Variants in PCDH7 observed in about 807,000 individuals in gnomAD.
The protein encoded by PCDH7 is protocadherin 7, also known as protocadherin-7.
In PCDH7, 17 loss-of-function variants were observed where a neutral mutation model predicts 58.9. The ratio of observed to expected loss-of-function variants is 0.29; its 90% CI spans 0.20 to 0.43. PCDH7 has a LOEUF of 0.43. Among genes scored for constraint, PCDH7 ranks in the 20% least tolerant of loss-of-function variants. The pLI is 1.00. For missense variants in PCDH7, 1,274 were observed against 1,441.0 expected (o/e 0.88, Z 1.88); for synonymous variants, 664 against 616.4 (o/e 1.08, Z -1.14).
chr4:30,847,001 A>G (rs1823197), intron 1 of PCDH7, among the ~76,000 whole-genome samples: 44,359 of 151,738 alleles, frequency 0.29, 7,988 homozygotes, highest in African/African-American at 0.51. Context: ...CATGTTCAAG[A>G]AGTTCCAGCT....
chr4:30,744,722 G>C (rs920957028), intron 1 of PCDH7, among the ~76,000 whole-genome samples: 2 of 152,128 alleles, frequency 1.3e-5, no homozygotes, highest in Non-Finnish European at 2.9e-5. Context: ...TTGCAACCTT[G>C]GCCATAGGGC....
intron 1 of PCDH7, among the ~76,000 whole-genome samples, chr4:30,870,657 G>T (rs1219609446): frequency 2.0e-5 from 3 of 152,044 alleles, no homozygotes; most frequent in Non-Finnish European, 4.4e-5. Context: ...CAGGAAGTGC[G>T]AAAATAGCAC....
intron 1 of PCDH7, among the ~76,000 whole-genome samples, chr4:30,873,828 C>CTTTTATTTAT (rs1735930262): frequency 6.6e-6 from 1 of 151,638 alleles, no homozygotes; most frequent in Admixed American, 6.6e-5. Context: ...TATTTGGAGG[C>CTTTTATTTAT]TTTTATTTAT....
At chr4:30,896,122 A>G (rs545276847) in intron 1 of PCDH7, among the ~76,000 whole-genome samples, 6 of 151,972 alleles carry the variant, frequency 3.9e-5, no homozygotes, top group African/African-American at 1.5e-4. Flanking sequence ...GGCATTTTTT[A>G]TTTTCCTTTC....
At chr4:31,040,816 A>G (rs1755804577) in intron 3 of PCDH7, among the ~76,000 whole-genome samples, 1 of 152,164 alleles carries the variant, frequency 6.6e-6, no homozygotes. Context: ...GTTGGTTGAG[A>G]AACTAAAAAT....
intron 3 of PCDH7, among the ~76,000 whole-genome samples, chr4:31,076,074 C>T (rs555766700): frequency 3.3e-5 from 5 of 152,116 alleles, no homozygotes; most frequent in Non-Finnish European, 5.9e-5. Context: ...ATATATATTT[C>T]ATTCTAGTGA....
At chr4:30,937,316 A>G (rs1335230123) in intron 2 of PCDH7, among the ~76,000 whole-genome samples, 2 of 152,094 alleles carry the variant, frequency 1.3e-5, no homozygotes, top group East Asian at 1.9e-4. Context: ...TTCCATATCC[A>G]TATCACTGCT....
intron 1 of PCDH7, among the ~76,000 whole-genome samples, chr4:30,811,942 C>G (rs1727079832): frequency 6.6e-6 from 1 of 152,106 alleles, no homozygotes; most frequent in Non-Finnish European, 1.5e-5. Flanking sequence ...AGCCAAGATC[C>G]AGACTTGTGA....
intron 3 of PCDH7, among the ~76,000 whole-genome samples, chr4:30,976,644 C>T (rs1303401226): frequency 6.6e-6 from 1 of 152,008 alleles, no homozygotes; most frequent in Non-Finnish European, 1.5e-5. Context: ...CGTGATCCGC[C>T]CACCTCGGCC....
intron 1 of PCDH7, among the ~76,000 whole-genome samples, chr4:30,788,449 C>A (rs766391107): frequency 6.6e-6 from 1 of 151,968 alleles, no homozygotes; most frequent in Non-Finnish European, 1.5e-5. Context: ...TGTAATATTA[C>A]AGGGATTTTT....
intron 3 of PCDH7, among the ~76,000 whole-genome samples, chr4:31,020,766 G>T (rs1753960482): frequency 6.6e-6 from 1 of 152,146 alleles, no homozygotes. Context: ...TGCAATCCAG[G>T]CCTAATTACT....
At chr4:30,748,890 G>T (rs903424471) in intron 1 of PCDH7, among the ~76,000 whole-genome samples, 6 of 152,082 alleles carry the variant, frequency 3.9e-5, no homozygotes, top group African/African-American at 1.4e-4. Context: ...CAGCCTGATG[G>T]GTGTTCTCTG....
Position 30,972,180 on chromosome 4 carries a change from T to C in PCDH7, c.*7+21965T>C, listed in dbSNP as rs559951910. 2.1e-4 allele frequency among the ~76,000 whole-genome samples: 32 copies of C among 152,328 alleles called. No homozygotes were observed. The South Asian group carries it at 6.6e-3, about 32-fold the overall frequency. ...CCCTCTTTAATTGTCAGAATTATTA[T>C]TATGGAAATGATGAGTGCTCCAATT... On this transcript the variant is annotated intron_variant, in intron 3 of 3. Transcript: ENST00000509759.
chr4:30,910,033 C>G (rs1379122711), intron 1 of PCDH7, among the ~76,000 whole-genome samples: 1 of 152,146 alleles, frequency 6.6e-6, no homozygotes, highest in African/African-American at 2.4e-5. Context: ...ACATCTACAA[C>G]CATCTGATCT....
At chr4:30,751,176 C>T (rs1718472116) in intron 1 of PCDH7, among the ~76,000 whole-genome samples, 1 of 152,178 alleles carries the variant, frequency 6.6e-6, no homozygotes, top group African/African-American at 2.4e-5. Context: ...AAAACTACTT[C>T]CAACTTCTAT....
At chr4:30,870,452 A>G (rs1189456969) in intron 1 of PCDH7, among the ~76,000 whole-genome samples, 1 of 152,038 alleles carries the variant, frequency 6.6e-6, no homozygotes, top group Non-Finnish European at 1.5e-5. Flanking sequence ...CTTTAAAAAT[A>G]AAAAAAGAAG....
chr4:30,981,722 C>T (rs1750587933), intron 3 of PCDH7, among the ~76,000 whole-genome samples: 1 of 152,152 alleles, frequency 6.6e-6, no homozygotes, highest in African/African-American at 2.4e-5. Flanking sequence ...CTTAACCTTC[C>T]TCCTTAATGT....
At chr4:31,018,122 C>T (rs1190134260) in intron 3 of PCDH7, among the ~76,000 whole-genome samples, 1 of 152,062 alleles carries the variant, frequency 6.6e-6, no homozygotes, top group African/African-American at 2.4e-5. Flanking sequence ...GGTGAAAAGG[C>T]TGAAAAAGAA....
intron 1 of PCDH7, among the ~76,000 whole-genome samples, chr4:30,774,697 C>G (rs145853336): frequency 6.6e-6 from 1 of 152,082 alleles, no homozygotes; most frequent in African/African-American, 2.4e-5. Context: ...GACTGTTCTA[C>G]GTACAATATA....
Sources: gnomAD v4.1 joint callset for allele counts (sites outside exome capture counted in the v4.1 genomes callset) on GRCh38, gnomAD v4.1.1 for gene constraint, MANE v1.5 for transcripts, NCBI Gene and HGNC (gene_info 2026-07-23, HGNC 2026-07-21) for gene names.